The following NID1 variants were observed in gnomAD, a reference collection of about 807,000 sequenced individuals.
The protein encoded by NID1 is nidogen-1.
NID1 carries 76 observed loss-of-function variants against 130.6 expected under a neutral mutation model. That is an observed-to-expected ratio of 0.58 (90% CI 0.48 to 0.70). NID1 has a LOEUF of 0.70. Ranked by LOEUF, NID1 falls within the 30% of genes least tolerant of loss-of-function variation. The pLI is 0.00. For synonymous variants in NID1, 665 were observed against 675.1 expected (o/e 0.98, Z 0.23); for missense variants, 1,517 against 1,664.8 (o/e 0.91, Z 1.54).
chr1:236,048,138 C>T (rs984964296), intron 2 of NID1, among the ~76,000 whole-genome samples: 1 of 150,864 alleles, frequency 6.6e-6, no homozygotes, highest in Non-Finnish European at 1.5e-5. Context: ...TAGAGACCAT[C>T]CTGGCTAACA....
At chr1:236,058,537 TGGGA>T (rs1659953137) in intron 1 of NID1, among the ~76,000 whole-genome samples, 1 of 152,226 alleles carries the variant, frequency 6.6e-6, no homozygotes, top group African/African-American at 2.4e-5. Context: ...TAACTTATAA[TGGGA>T]GGGTGTTTCC....
chr1:236,026,921 A>G (rs549985528), intron 7 of NID1, among the ~76,000 whole-genome samples: 51 of 151,992 alleles, frequency 3.4e-4, no homozygotes, highest in African/African-American at 1.2e-3. Flanking sequence ...TTGTATTTTT[A>G]GTAGAGACGG....
chr1:236,039,425 C>T (rs1659382177), intron 4 of NID1, among the ~76,000 whole-genome samples: 1 of 151,738 alleles, frequency 6.6e-6, no homozygotes, highest in African/African-American at 2.4e-5. Flanking sequence ...CCCCAACATA[C>T]ACTTTTCCCT....
intron 12 of NID1, among the ~76,000 whole-genome samples, chr1:236,006,742 G>A (rs1473781430): frequency 6.6e-6 from 1 of 152,202 alleles, no homozygotes; most frequent in East Asian, 1.9e-4. Context: ...ATTGGGGCAG[G>A]TGGGGCTCCT....
chr1:235,992,186 C>T (rs905388940), intron 13 of NID1, among the ~76,000 whole-genome samples: 5 of 152,204 alleles, frequency 3.3e-5, no homozygotes, highest in Non-Finnish European at 7.4e-5. Flanking sequence ...GTCTCCTGCT[C>T]TCTACAGTGA....
intron 2 of NID1, among the ~76,000 whole-genome samples, chr1:236,045,997 T>A (rs1302789884): frequency 6.6e-6 from 1 of 152,214 alleles, no homozygotes; most frequent in African/African-American, 2.4e-5. Flanking sequence ...TCACGCAGTT[T>A]AGGAAATTCT....
At position 236,017,286 on chromosome 1, in the gene NID1, T is replaced by G. The variant is rs772677809; in HGVS notation, c.2129-13A>C. 2.5e-6 allele frequency: 4 copies of G among 1,584,906 alleles called. No homozygotes were observed. In the African/African-American group the frequency reaches 4.1e-5, roughly 16 times the overall value. On this transcript the variant is annotated splice_polypyrimidine_tract_variant and intron_variant, in intron 9 of 19. Coordinates refer to ENST00000264187, the MANE Select transcript of NID1 (RefSeq NM_002508.3). ...CATTCATCAATATCTGCAGCAAAAA[T>G]TTTTTTTTACTGCAGGCTTTTTTTT...
chr1:236,026,177 G>A (rs771725659), intron 7 of NID1, 36 bp from the exon 8 acceptor site: 1 of 1,607,038 alleles, frequency 6.2e-7, no homozygotes, highest in Non-Finnish European at 8.5e-7. Context: ...ACAAGGCAGG[G>A]AGACAGAGGG....
intron 8 of NID1, among the ~76,000 whole-genome samples, chr1:236,025,263 CTTTTT>C: frequency 8.1e-6 from 1 of 123,750 alleles, no homozygotes; most frequent in East Asian, 2.9e-4. Context: ...TACAATTTCT[CTTTTT>C]TTTTTTTTTT....
intron 8 of NID1, among the ~76,000 whole-genome samples, chr1:236,024,519 CCTAAAATACCTA>C (rs1399682928): frequency 1.3e-5 from 2 of 152,184 alleles, no homozygotes; most frequent in Non-Finnish European, 1.5e-5. Context: ...GCCAGCAAAA[CCTAAAATACCTA>C]CTATCTGGTC....
At chr1:235,987,141 GC>G (rs1013048881) in intron 14 of NID1, among the ~76,000 whole-genome samples, 24 of 152,172 alleles carry the variant, frequency 1.6e-4, no homozygotes, top group Admixed American at 4.6e-4. Context: ...CTCTGAGTAA[GC>G]CAGCCTCTCC....
rs1190606501 is a variant in NID1, at chr1:235,979,243, C to G, written c.3510-136G>C. On this transcript the variant is annotated intron_variant, in intron 18 of 19. Transcript: ENST00000264187. The surrounding 1 kb of genome is among the most constrained non-coding windows in gnomAD (Gnocchi z 4.6). ...ACATGATGGCCTTCTTCCTAGACATCCCTTCCTTCCCCTGGGGTGGGTCAA... is the reference window on the plus strand; with the variant it reads ...ACATGATGGCCTTCTTCCTAGACATGCCTTCCTTCCCCTGGGGTGGGTCAA... 1.6e-6 allele frequency: 1 copy of G among 642,930 alleles called. No homozygotes were observed. The highest frequency in any genetic ancestry group is 2.8e-6 in the Non-Finnish European group (1 of 358,176). 39.8% of individuals were successfully genotyped at this position (642,930 alleles called of 1,614,324 possible).
intron 17 of NID1, 87 bp downstream of exon 17, chr1:235,980,409 G>A: frequency 1.4e-6 from 2 of 1,386,452 alleles, no homozygotes; most frequent in Non-Finnish European, 2.0e-6. Flanking sequence ...CAGGTGGCTG[G>A]TTAGATTTGA....
At chr1:236,061,831 C>T (rs1454055216) in intron 1 of NID1, among the ~76,000 whole-genome samples, 1 of 152,080 alleles carries the variant, frequency 6.6e-6, no homozygotes, top group Non-Finnish European at 1.5e-5. Flanking sequence ...AAAAGATTCT[C>T]AACATCATTA....
At chr1:236,021,919 G>T (rs985839438) in intron 9 of NID1, among the ~76,000 whole-genome samples, 5 of 152,168 alleles carry the variant, frequency 3.3e-5, no homozygotes, top group Non-Finnish European at 7.3e-5. Flanking sequence ...ACTGCAACTA[G>T]AAGATGGAGT....
In NID1 at chr1:235,993,778, G is replaced by A. The variant is rs151147666; in HGVS notation, c.2622C>T (p.Phe874=). Residue 874 remains phenylalanine (F), a synonymous_variant, in exon 13 of 20, where the codon TTC becomes TTT. Coordinates refer to ENST00000264187, the MANE Select transcript of NID1 (RefSeq NM_002508.3). ...GCCCGTGCGCATCGCACTCAGGAAC[G>A]AACAGCCCCGGAGGAATGGGTCGCT... is the stretch of plus-strand genomic sequence containing the variant. The part of the protein sequence containing the change: ...DPQRPIPPGL[F]VPECDAHGHY... 2.6e-4 allele frequency: 423 copies of A among 1,614,012 alleles called. No homozygotes were observed. The highest frequency in any genetic ancestry group is 3.2e-4 in the Non-Finnish European group (381 of 1,180,034).
At chr1:236,059,895 A>C (rs764442904) in intron 1 of NID1, among the ~76,000 whole-genome samples, 3 of 152,142 alleles carry the variant, frequency 2.0e-5, no homozygotes, top group Non-Finnish European at 4.4e-5. Flanking sequence ...AGGTCAAGAG[A>C]TCGAGACCAT....
chr1:236,017,030 G>C, intron 10 of NID1, 118 bp downstream of exon 10: 1 of 1,272,430 alleles, frequency 7.9e-7, no homozygotes. Context: ...TTTATAAATT[G>C]CTCTTCCCAG....
chr1:236,007,500 G>A (rs1242998185), intron 12 of NID1, among the ~76,000 whole-genome samples: 1 of 152,036 alleles, frequency 6.6e-6, no homozygotes, highest in Non-Finnish European at 1.5e-5. Context: ...CGAGACTGAT[G>A]GTATCAACAG....
Sources: gnomAD v4.1 joint callset for allele counts (sites outside exome capture counted in the v4.1 genomes callset) on GRCh38, gnomAD v4.1.1 for gene constraint, Gnocchi (gnomAD v3.1) non-coding constraint, MANE v1.5 for transcripts, NCBI Gene and HGNC (gene_info 2026-07-23, HGNC 2026-07-21) for gene names.